Variants in WRN observed in about 807,000 individuals in gnomAD.
WRN encodes the protein WRN RecQ like helicase.
In WRN, 149 loss-of-function variants were observed where a neutral mutation model predicts 180.7. That is an observed-to-expected ratio of 0.82 (90% CI 0.72 to 0.94). The LOEUF (loss-of-function observed/expected upper bound fraction) is 0.94, where lower values mean the gene tolerates loss of function less well. WRN is among the 40% of genes least tolerant of loss of function. WRN has a pLI of 0.00. For synonymous variants in WRN, 548 were observed against 568.9 expected, an observed-to-expected ratio of 0.96 and a Z score of 0.52; for missense variants, 1,661 against 1,700.1, an observed-to-expected ratio of 0.98 and a Z score of 0.40.
chr8:31,094,221 T>G (rs1813867733), intron 16 of WRN, among the ~76,000 whole-genome samples: 2 of 152,194 alleles, frequency 1.3e-5, no homozygotes, highest in Non-Finnish European at 1.5e-5. Flanking sequence ...ATTACTAAAG[T>G]CCAGTGGGTT....
intron 24 of WRN, among the ~76,000 whole-genome samples, chr8:31,136,656 C>T (rs1005195080): frequency 1.3e-5 from 2 of 151,968 alleles, no homozygotes; most frequent in Non-Finnish European, 2.9e-5. Flanking sequence ...GGCAACATAG[C>T]GAGACTCCGT....
rs766257592 is a variant in WRN at position 31,091,913 on chromosome 8, T to C, written c.1898+15T>C. ...GATATTAAATTGTGAGTAATTTTTT[T>C]CCCTCAACTTTTATTTTGGATTTAT... On this transcript the variant is annotated intron_variant, in intron 16 of 34. Transcript: ENST00000298139. 2.5e-6 allele frequency: 4 copies of C among 1,612,022 alleles called. No homozygotes were observed. The highest frequency in any genetic ancestry group is 1.7e-5 in the Admixed American group (1 of 59,874).
rs1481842002 is a variant in WRN, at chr8:31,085,115, G to A, written c.1351-51G>A. On this transcript the variant is annotated intron_variant, in intron 10 of 34. Transcript: ENST00000298139. ...AGGAGCTTTGTTCTGCAGAAAAGAG[G>A]ATATGAAGTCAATTATATTGGAAAT... 5 of 1,584,088 alleles carry A rather than the reference G, an allele frequency of 3.2e-6. No individual in the cohort carries two copies. In the South Asian group the frequency reaches 4.4e-5, roughly 14 times the overall value.
intron 17 of WRN, among the ~76,000 whole-genome samples, chr8:31,097,909 T>G (rs1814059575): frequency 6.6e-6 from 1 of 152,236 alleles, no homozygotes; most frequent in Admixed American, 6.5e-5. Context: ...CAATATCATA[T>G]GATCTTTTTG....
chr8:31,174,823 C>CCTTCCTTCCTTCCTTCCTTCCAT lies in WRN; in HGVS notation c.*1722_*1723insTTCCTTCCTTCCTTCCTTCCATC, dbSNP rs1563397666. Reference sequence around the variant, plus strand: ...TTCCTTCCTTCCTTCCTTCCTTCCTCCCTCCCTCCCTCCCTCCCTCCCTCC... The same window carrying CCTTCCTTCCTTCCTTCCTTCCAT: ...TTCCTTCCTTCCTTCCTTCCTTCCTCCTTCCTTCCTTCCTTCCTTCCATCCTCCCTCCCTCCCTCCCTCCCTCC... On this transcript the variant is annotated 3_prime_UTR_variant, in exon 35 of 35. Coordinates refer to ENST00000298139, the MANE Select transcript of WRN (RefSeq NM_000553.6). 1.8e-5 allele frequency among the ~76,000 whole-genome samples: 1 copy of CCTTCCTTCCTTCCTTCCTTCCAT among 55,084 alleles called. No homozygotes were observed. The highest frequency in any genetic ancestry group is 3.4e-5 in the Non-Finnish European group (1 of 29,412). 36.1% of individuals were successfully genotyped at this position (55,084 alleles called of 152,430 possible).
intron 23 of WRN, among the ~76,000 whole-genome samples, chr8:31,126,781 A>G (rs1801946525): frequency 6.6e-6 from 1 of 152,158 alleles, no homozygotes; most frequent in South Asian, 2.1e-4. Flanking sequence ...ACAATAGAGA[A>G]AATCAACTCA....
At position 31,090,325 on chromosome 8, in the gene WRN, A is replaced by G. The variant is rs1039822619; in HGVS notation, c.1653-140A>G. On this transcript the variant is annotated intron_variant, in intron 13 of 34. Coordinates refer to ENST00000298139, the MANE Select transcript of WRN (RefSeq NM_000553.6). Reference sequence around the variant, plus strand: ...TTGGTCAAATGGCATTGTTTGTTTTAAAGTTCCAGGTTTGTGCATTTATGT... The same window carrying G: ...TTGGTCAAATGGCATTGTTTGTTTTGAAGTTCCAGGTTTGTGCATTTATGT... The G allele has an allele frequency of 7.8e-6, 6 of 770,636 alleles. No homozygotes were observed. The South Asian group carries it at 8.5e-5, about 11-fold the overall frequency. The allele number at this position is 770,636 out of a possible 1,614,324, so 47.7% of individuals were successfully genotyped here. A position where few individuals can be genotyped will look rare whatever the true frequency, so the allele number is the denominator to read the frequency against.
chr8:31,123,249 A>G (rs1260091871), intron 21 of WRN, among the ~76,000 whole-genome samples: 7 of 151,998 alleles, frequency 4.6e-5, no homozygotes, highest in African/African-American at 1.7e-4. Context: ...AGTAACGCTT[A>G]TTTTACTTAA....
chr8:31,094,550 T>C (rs1813881547), intron 16 of WRN, among the ~76,000 whole-genome samples: 1 of 152,088 alleles, frequency 6.6e-6, no homozygotes. Context: ...TTTTGCTATG[T>C]TGCCCAGGTT....
At chr8:31,067,952 G>A (rs1422486900) in intron 6 of WRN, among the ~76,000 whole-genome samples, 1 of 152,136 alleles carries the variant, frequency 6.6e-6, no homozygotes, top group African/African-American at 2.4e-5. Flanking sequence ...GCTGATTTAA[G>A]TAGGATTTCT....
chr8:31,167,066 A>G lies in WRN; in HGVS notation c.4027A>G (p.Ile1343Val), dbSNP rs1060500058. 14 of 1,613,226 alleles carry G rather than the reference A, an allele frequency of 8.7e-6. No homozygotes were observed. Among genetic ancestry groups the G allele is most frequent in the Non-Finnish European group, 1.1e-5 (13 of 1,179,476 alleles). ...AATCAGAATGTTAGTTCCTGAAAAC[A>G]TTGACACGTACCTTATCCACATGGC... ...SLIRMLVPEN[I>V]DTYLIHMAIE... is the part of the protein sequence containing the mutation. Residue 1343 changes from isoleucine (I) to valine (V), a missense_variant, in exon 34 of 35, where the codon ATT (isoleucine) becomes GTT (valine). Ile to Val is a conservative substitution (Grantham distance 29, BLOSUM62 3). Coordinates refer to ENST00000298139, the MANE Select transcript of WRN (RefSeq NM_000553.6).
rs1234015924 is a variant in WRN at position 31,149,455 on chromosome 8, G to T, written c.3573-886G>T. Among the ~76,000 whole-genome samples, 66 of 51,984 alleles carry T rather than the reference G, an allele frequency of 1.3e-3. 1 individual carries two copies. In the East Asian group the frequency reaches 0.013, roughly 10 times the overall value. 34.1% of individuals were successfully genotyped at this position (51,984 alleles called of 152,430 possible). On this transcript the variant is annotated intron_variant, in intron 30 of 34. Coordinates refer to ENST00000298139, the MANE Select transcript of WRN (RefSeq NM_000553.6). The stretch of plus-strand genomic sequence containing the variant: ...TCTAAGACCATACTTTAATAGAGGT[G>T]TTTTTTTTTTTTTTTTTTTTTTTTT...
rs757968518 is a variant in WRN at position 31,080,922 on chromosome 8, A to AT, written c.896dup (p.Ile300AsnfsTer5). The AT allele has an allele frequency of 4.3e-6, 7 of 1,613,076 alleles. No individual in the cohort carries two copies. In the Admixed American group the frequency reaches 1.2e-4, roughly 27 times the overall value. ...AAATCTATATTCACTGAGGAGGATGATAATTGGGTCTACTAACATTGAGAC... is the reference window on the plus strand; with the variant it reads ...AAATCTATATTCACTGAGGAGGATGATTAATTGGGTCTACTAACATTGAGAC... On this transcript the variant is annotated frameshift_variant, in exon 9 of 35. Coordinates refer to ENST00000298139, the MANE Select transcript of WRN (RefSeq NM_000553.6). LOFTEE classifies it high-confidence loss of function.
Position 31,175,991 on chromosome 8 carries a change from A to C in WRN, c.*2889A>C, listed in dbSNP as rs1395454049. Among the ~76,000 whole-genome samples, 1 of 151,654 alleles carries C rather than the reference A, an allele frequency of 6.6e-6. No homozygotes were observed. Among genetic ancestry groups the C allele is most frequent in the Non-Finnish European group, 1.5e-5 (1 of 67,874 alleles). On this transcript the variant is annotated 3_prime_UTR_variant, in exon 35 of 35. Transcript: ENST00000298139. ...TAAAAGCTCTTTGGGGTCCTCAGTG[A>C]TTTTTTTTTAAGAGTATGGAAGGGT...
At position 31,111,924 on chromosome 8, in the gene WRN, A is replaced by C. The variant is rs182909343; in HGVS notation, c.2273+125A>C. 9.6e-6 allele frequency: 12 copies of C among 1,248,200 alleles called. No homozygotes were observed. The Admixed American group carries it at 1.7e-4, about 18-fold the overall frequency. 77.3% of individuals were successfully genotyped at this position (1,248,200 alleles called of 1,614,324 possible). Reference sequence around the variant, plus strand: ...ATTTAACATATTTCAAATTCCACCTAGTTTTGGTTCAAGTCAAGCATGATG... The same window carrying C: ...ATTTAACATATTTCAAATTCCACCTCGTTTTGGTTCAAGTCAAGCATGATG... On this transcript the variant is annotated intron_variant, in intron 19 of 34. Transcript: ENST00000298139.
chr8:31,053,818 G>A (rs1244973231), intron 1 of WRN, among the ~76,000 whole-genome samples: 2 of 152,200 alleles, frequency 1.3e-5, no homozygotes, highest in African/African-American at 2.4e-5. Flanking sequence ...AATAGTACTA[G>A]TAGAGGAAAG....
intron 13 of WRN, among the ~76,000 whole-genome samples, chr8:31,089,662 A>G (rs1365053630): frequency 2.0e-5 from 3 of 152,016 alleles, no homozygotes; most frequent in African/African-American, 7.2e-5. Flanking sequence ...GCCAGCACTT[A>G]GTTAAGAATA....
rs4987034 is a variant in WRN at position 31,120,180 on chromosome 8, A to G, written c.2449-63A>G. 281,400 of 1,589,330 alleles carry G rather than the reference A, an allele frequency of 0.18. 25,897 individuals carry two copies. Among genetic ancestry groups the G allele is most frequent in the South Asian group, 0.24 (21,865 of 90,088 alleles). ...GAACAAATTATTCTTACAAAAAGGTATAAATGTAAGGTTTTCATTCTGCTA... is the reference window on the plus strand; with the variant it reads ...GAACAAATTATTCTTACAAAAAGGTGTAAATGTAAGGTTTTCATTCTGCTA... On this transcript the variant is annotated intron_variant, in intron 20 of 34. Transcript: ENST00000298139.
intron 17 of WRN, among the ~76,000 whole-genome samples, chr8:31,100,229 G>A (rs1814169022): frequency 6.6e-6 from 1 of 152,104 alleles, no homozygotes; most frequent in African/African-American, 2.4e-5. Flanking sequence ...CAATGTTTGT[G>A]TCTGGTATGG....
Sources: allele counts gnomAD v4.1 joint callset (sites outside exome capture counted in the v4.1 genomes callset), GRCh38; gene constraint gnomAD v4.1.1; transcripts MANE v1.5; gene names NCBI Gene and HGNC (gene_info 2026-07-23, HGNC 2026-07-21).